Variants in LRMDA observed in about 807,000 individuals in gnomAD.
The protein encoded by LRMDA is leucine rich melanocyte differentiation associated, also known as leucine-rich melanocyte differentiation-associated protein.
Under a neutral mutation model 29.8 loss-of-function variants are expected in LRMDA, and 18 were observed. The observed-to-expected ratio is 0.60, with a 90% CI of 0.42 to 0.90. The LOEUF (loss-of-function observed/expected upper bound fraction) is 0.90. Ranked by LOEUF, LRMDA falls within the 40% of genes least tolerant of loss-of-function variation. LRMDA has a pLI of 0.00. For synonymous variants in LRMDA, 125 were observed against 109.4 expected, an observed-to-expected ratio of 1.14 and a Z score of -0.89; for missense variants, 273 against 273.9, an observed-to-expected ratio of 1.00 and a Z score of 0.02.
chr10:76,408,968 A>C (rs1338392261), intron 6 of LRMDA, among the ~76,000 whole-genome samples: 1 of 152,220 alleles, frequency 6.6e-6, no homozygotes, highest in African/African-American at 2.4e-5. Flanking sequence ...AGCTCAAAAA[A>C]TATTTTAGGA....
At chr10:75,787,174 T>G (rs1326437079) in intron 2 of LRMDA, among the ~76,000 whole-genome samples, 3 of 152,252 alleles carry the variant, frequency 2.0e-5, no homozygotes, top group Non-Finnish European at 4.4e-5. Flanking sequence ...TTCGATATTC[T>G]GTTTTGTACT....
At chr10:75,911,988 C>T (rs535841214) in intron 2 of LRMDA, among the ~76,000 whole-genome samples, 2 of 152,240 alleles carry the variant, frequency 1.3e-5, no homozygotes, top group African/African-American at 2.4e-5. Context: ...ACCACTTTTG[C>T]TTGGGACAGG....
intron 2 of LRMDA, among the ~76,000 whole-genome samples, chr10:75,955,322 C>G (rs1275811621): frequency 6.6e-6 from 1 of 152,140 alleles, no homozygotes; most frequent in African/African-American, 2.4e-5. Context: ...TCATGTGTCC[C>G]AGCCTCCATG....
At chr10:76,408,070 G>A (rs1042519505) in intron 6 of LRMDA, among the ~76,000 whole-genome samples, 4 of 152,164 alleles carry the variant, frequency 2.6e-5, no homozygotes, top group African/African-American at 9.7e-5. Flanking sequence ...AACACTTACT[G>A]CTTTTTATTA....
intron 2 of LRMDA, among the ~76,000 whole-genome samples, chr10:75,749,887 C>T (rs529446892): frequency 6.6e-6 from 1 of 152,304 alleles, no homozygotes; most frequent in South Asian, 2.1e-4. Context: ...TTGCTCCGCC[C>T]TTAATCCATT....
chr10:75,984,937 T>A (rs1847238209), intron 2 of LRMDA, among the ~76,000 whole-genome samples: 1 of 152,212 alleles, frequency 6.6e-6, no homozygotes, highest in Admixed American at 6.5e-5. Flanking sequence ...TGATGCATTA[T>A]AGTAGGATGA....
In LRMDA at chr10:76,036,145, C is replaced by T; in HGVS notation, c.258+11C>T. The T allele has an allele frequency of 1.2e-6, 2 of 1,610,630 alleles. No individual in the cohort carries two copies. The highest frequency in any genetic ancestry group is 1.7e-6 in the Non-Finnish European group (2 of 1,179,022). On this transcript the variant is annotated intron_variant, in intron 3 of 6. Transcript: ENST00000611255. ...CTCAACAAGAACCGAATATCCTTTC[C>T]TCTGCCCGCTGCCCCCACTCCCCAC...
At chr10:75,529,362 C>A (rs563767026) in intron 2 of LRMDA, among the ~76,000 whole-genome samples, 12 of 152,218 alleles carry the variant, frequency 7.9e-5, no homozygotes, top group African/African-American at 2.6e-4. Flanking sequence ...CTGTTACCAG[C>A]CAAAGAAGCA....
At chr10:75,598,627 T>C (rs562971313) in intron 2 of LRMDA, among the ~76,000 whole-genome samples, 18 of 152,328 alleles carry the variant, frequency 1.2e-4, no homozygotes, top group African/African-American at 3.8e-4. Context: ...ATCTTCATTC[T>C]ATAGTAAATA....
chr10:75,874,033 C>T (rs1328669208), intron 2 of LRMDA, among the ~76,000 whole-genome samples: 1 of 152,164 alleles, frequency 6.6e-6, no homozygotes, highest in African/African-American at 2.4e-5. Context: ...CCTGTCCTTA[C>T]CTGAGCCCTT....
At chr10:76,080,329 T>G (rs1214127078) in intron 5 of LRMDA, among the ~76,000 whole-genome samples, 2 of 152,204 alleles carry the variant, frequency 1.3e-5, no homozygotes, top group Admixed American at 1.3e-4. Context: ...AGGCAAGGAA[T>G]GTATCTCATC....
intron 2 of LRMDA, among the ~76,000 whole-genome samples, chr10:76,014,106 GTATATATATATATATATAAT>G (rs1241824753): frequency 0.014 from 1,057 of 73,174 alleles, 13 homozygotes; most frequent in African/African-American, 0.019. Context: ...AAAAAAAAAA[GTATATATATATATATATAAT>G]TATATATATA....
chr10:76,033,190 C>T (rs761708860), intron 2 of LRMDA, among the ~76,000 whole-genome samples: 11 of 152,296 alleles, frequency 7.2e-5, no homozygotes, highest in African/African-American at 2.6e-4. Flanking sequence ...CTCTCTGCCC[C>T]CTGACTTCTG....
intron 2 of LRMDA, among the ~76,000 whole-genome samples, chr10:75,772,869 T>TGGGGGGGGGGGGGGG (rs1554824987): frequency 8.0e-5 from 4 of 49,786 alleles, no homozygotes; most frequent in African/African-American, 2.8e-4. Flanking sequence ...GGGGGTGGGA[T>TGGGGGGGGGGGGGGG]GGGGGGGGGC....
chr10:76,389,616 A>G (rs1053990819), intron 6 of LRMDA, among the ~76,000 whole-genome samples: 7 of 152,166 alleles, frequency 4.6e-5, no homozygotes, highest in African/African-American at 1.7e-4. Flanking sequence ...CTCCATACTC[A>G]TTAAACACTA....
At chr10:75,696,288 C>G (rs1842232923) in intron 2 of LRMDA, among the ~76,000 whole-genome samples, 1 of 152,166 alleles carries the variant, frequency 6.6e-6, no homozygotes, top group Non-Finnish European at 1.5e-5. Flanking sequence ...TTGTTTTCGT[C>G]ACATAGGGGC....
intron 2 of LRMDA, among the ~76,000 whole-genome samples, chr10:75,834,269 A>G (rs1361544457): frequency 6.6e-6 from 1 of 152,046 alleles, no homozygotes; most frequent in Non-Finnish European, 1.5e-5. Context: ...TTCTATGTCT[A>G]TTTCTGGCTT....
intron 2 of LRMDA, chr10:75,450,821 C>T (rs924951734): frequency 2.6e-5 from 4 of 152,246 alleles, no homozygotes; most frequent in African/African-American, 9.6e-5. Flanking sequence ...CATCAAAGCC[C>T]CGTAGGCATG....
chr10:76,203,298 G>T (rs1851467064), intron 5 of LRMDA, among the ~76,000 whole-genome samples: 1 of 152,054 alleles, frequency 6.6e-6, no homozygotes, highest in Non-Finnish European at 1.5e-5. Flanking sequence ...ATTTCAAAGG[G>T]TTTAAAAAAA....
Sources: gnomAD v4.1 joint callset for allele counts (sites outside exome capture counted in the v4.1 genomes callset) on GRCh38, gnomAD v4.1.1 for gene constraint, MANE v1.5 for transcripts, NCBI Gene and HGNC (gene_info 2026-07-23, HGNC 2026-07-21) for gene names.